Variants in ADAM12 observed in about 807,000 individuals in gnomAD.
ADAM12 encodes the protein disintegrin and metalloproteinase domain-containing protein 12.
A neutral mutation model predicts 106.4 loss-of-function variants in ADAM12; 70 were observed. That is an observed-to-expected ratio of 0.66 (90% CI 0.54 to 0.80). ADAM12 has a LOEUF of 0.80. Among genes scored for constraint, ADAM12 ranks in the 30% least tolerant of loss-of-function variants. The probability of loss-of-function intolerance (pLI) is 0.00; values close to 1 mark genes in which losing one functional copy is unlikely to be tolerated. For synonymous variants in ADAM12, 420 were observed against 433.5 expected (o/e 0.97, Z 0.39); for missense variants, 1,010 against 1,171.9 (o/e 0.86, Z 2.02).
intron 1 of ADAM12, among the ~76,000 whole-genome samples, chr10:126,381,224 T>C (rs1279322084): frequency 6.6e-6 from 1 of 152,150 alleles, no homozygotes; most frequent in Non-Finnish European, 1.5e-5. Context: ...AGAAAGAAAA[T>C]ACATCTATAT....
At chr10:126,311,958 G>C (rs1175057413) in intron 2 of ADAM12, among the ~76,000 whole-genome samples, 2 of 152,148 alleles carry the variant, frequency 1.3e-5, no homozygotes, top group African/African-American at 4.8e-5. Context: ...CCAAGTCAGA[G>C]AGAAGTGTGG....
intron 18 of ADAM12, chr10:126,041,215 G>T: frequency 2.2e-6 from 1 of 459,032 alleles, no homozygotes; most frequent in Non-Finnish European, 2.9e-6. Flanking sequence ...AGAGTGGCTG[G>T]TGTGTGGCAG....
At chr10:126,063,522 C>G (rs2133476091) in intron 14 of ADAM12, among the ~76,000 whole-genome samples, 1 of 152,324 alleles carries the variant, frequency 6.6e-6, no homozygotes, top group East Asian at 1.9e-4. Context: ...AAGGTCCTAT[C>G]AGGTTTCCCT....
chr10:126,136,105 A>AGGAAG (rs1956400708), intron 4 of ADAM12, among the ~76,000 whole-genome samples: 1 of 151,720 alleles, frequency 6.6e-6, no homozygotes, highest in Admixed American at 6.6e-5. Context: ...AAAGCAGATG[A>AGGAAG]GAGGAAGTGG....
At chr10:126,382,753 GA>G (rs904617869) in intron 1 of ADAM12, among the ~76,000 whole-genome samples, 27 of 152,216 alleles carry the variant, frequency 1.8e-4, no homozygotes, top group Admixed American at 1.4e-3. Flanking sequence ...AAATGGGGGG[GA>G]AAGAGAATCT....
At chr10:126,174,000 T>C (rs1957169981) in intron 3 of ADAM12, among the ~76,000 whole-genome samples, 1 of 148,904 alleles carries the variant, frequency 6.7e-6, no homozygotes, top group African/African-American at 2.5e-5. Context: ...CAGATTCATC[T>C]GTTGTTGATT....
At chr10:126,285,628 T>C (rs1479107029) in intron 2 of ADAM12, among the ~76,000 whole-genome samples, 1 of 152,222 alleles carries the variant, frequency 6.6e-6, no homozygotes, top group Non-Finnish European at 1.5e-5. Context: ...CCAAGACTGA[T>C]ACTGCATTTA....
chr10:126,330,985 T>C (rs1173008899), intron 1 of ADAM12, among the ~76,000 whole-genome samples: 1 of 152,222 alleles, frequency 6.6e-6, no homozygotes, highest in African/African-American at 2.4e-5. Context: ...TCTAATTTTA[T>C]ATGCTTTAGT....
intron 1 of ADAM12, among the ~76,000 whole-genome samples, chr10:126,355,296 T>C (rs1200832606): frequency 6.6e-6 from 1 of 152,216 alleles, no homozygotes; most frequent in African/African-American, 2.4e-5. Flanking sequence ...TAAATTCTTC[T>C]GACAGGCCAA....
At chr10:126,247,879 C>T (rs529291813) in intron 3 of ADAM12, among the ~76,000 whole-genome samples, 1 of 152,312 alleles carries the variant, frequency 6.6e-6, no homozygotes, top group Non-Finnish European at 1.5e-5. Flanking sequence ...CAAAGCCTGC[C>T]TCCTGGGATC....
At chr10:126,250,321 T>C (rs141136375) in intron 3 of ADAM12, among the ~76,000 whole-genome samples, 1 of 152,344 alleles carries the variant, frequency 6.6e-6, no homozygotes, top group Non-Finnish European at 1.5e-5. Context: ...CAGTGCTCTC[T>C]AAGATAAACC....
chr10:126,283,129 G>T (rs1375507020), intron 2 of ADAM12, among the ~76,000 whole-genome samples: 1 of 151,998 alleles, frequency 6.6e-6, no homozygotes, highest in African/African-American at 2.4e-5. Context: ...TCACAATAGG[G>T]TTTGTGCTCC....
chr10:126,353,970 A>T (rs1855453726), intron 1 of ADAM12, among the ~76,000 whole-genome samples: 2 of 152,202 alleles, frequency 1.3e-5, no homozygotes, highest in African/African-American at 2.4e-5. Flanking sequence ...CAAATCCCTA[A>T]AGGAAGTTAA....
intron 5 of ADAM12, among the ~76,000 whole-genome samples, chr10:126,131,873 G>A (rs1203330899): frequency 5.9e-5 from 9 of 152,266 alleles, no homozygotes; most frequent in East Asian, 3.9e-4. Context: ...AAAATAGACC[G>A]TGATAATATT....
At position 126,125,456 on chromosome 10, in the gene ADAM12, G is replaced by A. The variant is rs547575803; in HGVS notation, c.417-7232C>T. Among the ~76,000 whole-genome samples, 5 of 152,006 alleles carry A rather than the reference G, an allele frequency of 3.3e-5. No homozygotes were observed. The East Asian group carries it at 9.7e-4, about 30-fold the overall frequency. ...GATGGGGTTTCACCATGTTGGCCAG[G>A]AGGGTCTCGATTTCCTGACCCCGTG... On this transcript the variant is annotated intron_variant, in intron 5 of 22. Coordinates refer to ENST00000448723, the MANE Select transcript of ADAM12 (RefSeq NM_001288973.2).
intron 9 of ADAM12, among the ~76,000 whole-genome samples, chr10:126,099,470 A>G (rs1301797992): frequency 2.7e-5 from 4 of 150,486 alleles, no homozygotes; most frequent in African/African-American, 4.9e-5. Context: ...ATTTACATCT[A>G]TATAGACTAT....
chr10:126,353,894 C>A (rs1338486672), intron 1 of ADAM12, among the ~76,000 whole-genome samples: 2 of 152,172 alleles, frequency 1.3e-5, no homozygotes, highest in African/African-American at 4.8e-5. Context: ...AGGGATAATA[C>A]CCTTTTACAA....
chr10:126,087,832 T>C (rs941588058), intron 11 of ADAM12, among the ~76,000 whole-genome samples: 1 of 152,122 alleles, frequency 6.6e-6, no homozygotes, highest in African/African-American at 2.4e-5. Flanking sequence ...TCACTGAAAA[T>C]TGCAGTTCAT....
Position 126,017,297 on chromosome 10 carries a change from G to A in ADAM12, c.2703C>T (p.His901=), listed in dbSNP as rs1371205907. ...QYPHQVPRST[H]TAYIK ...CGGCTTCTCACTTAATATAGGCGGT[G>A]TGGGTGGATCTGGGCACTTGGTGTG... The change falls in exon 23 of 23, where the codon CAC becomes CAT. Residue 901 remains histidine (H), a synonymous_variant. Transcript: ENST00000448723. 2 of 1,595,120 alleles carry A rather than the reference G, an allele frequency of 1.3e-6. No individual in the cohort carries two copies. The highest frequency in any genetic ancestry group is 1.7e-5 in the Admixed American group (1 of 57,212).
Sources: allele counts gnomAD v4.1 joint callset (sites outside exome capture counted in the v4.1 genomes callset), GRCh38; gene constraint gnomAD v4.1.1; transcripts MANE v1.5; gene names NCBI Gene and HGNC (gene_info 2026-07-23, HGNC 2026-07-21).